The following PDE11A variants were observed in gnomAD, a reference collection of about 807,000 sequenced individuals.
PDE11A encodes the protein phosphodiesterase 11A.
In PDE11A, 100 loss-of-function variants were observed where a neutral mutation model predicts 100.5. The ratio of observed to expected loss-of-function variants is 1.00; its 90% CI spans 0.85 to 1.18. PDE11A has a LOEUF of 1.18. Ranked by LOEUF, PDE11A falls within the 50% of genes most tolerant of loss-of-function variation. The pLI, the probability that PDE11A is intolerant of heterozygous loss-of-function variation, is 0.00. For synonymous variants in PDE11A, 381 were observed against 420.8 expected (o/e 0.91, Z 1.16); for missense variants, 1,141 against 1,152.6 (o/e 0.99, Z 0.15).
At chr2:177,845,806 A>G (rs1375088880) in intron 5 of PDE11A, among the ~76,000 whole-genome samples, 1 of 152,198 alleles carries the variant, frequency 6.6e-6, no homozygotes, top group Non-Finnish European at 1.5e-5. Context: ...AGGCTGGTGG[A>G]TCACTTGCGG....
chr2:177,828,466 A>G (rs575859579), intron 6 of PDE11A, among the ~76,000 whole-genome samples: 37 of 152,220 alleles, frequency 2.4e-4, no homozygotes, highest in Non-Finnish European at 4.8e-4. Flanking sequence ...GTGATAGAAG[A>G]GAGATGGTAA....
At chr2:177,746,007 C>T (rs916567621) in intron 10 of PDE11A, among the ~76,000 whole-genome samples, 1 of 152,152 alleles carries the variant, frequency 6.6e-6, no homozygotes, top group Admixed American at 6.5e-5. Flanking sequence ...TGGACTGCTG[C>T]CCTTGAAGTC....
chr2:177,904,381 T>G (rs2084745650), intron 3 of PDE11A, among the ~76,000 whole-genome samples: 1 of 152,104 alleles, frequency 6.6e-6, no homozygotes, highest in Non-Finnish European at 1.5e-5. Flanking sequence ...ATCCAAAAAT[T>G]GTTTCAATTC....
chr2:177,994,140 GGGCT>G (rs2086040195), intron 2 of PDE11A, among the ~76,000 whole-genome samples: 1 of 151,790 alleles, frequency 6.6e-6, no homozygotes, highest in African/African-American at 2.4e-5. Context: ...TATGTTGGGC[GGGCT>G]GGTCTCGAAC....
intron 2 of PDE11A, among the ~76,000 whole-genome samples, chr2:177,917,151 C>T (rs1190498622): frequency 6.6e-6 from 1 of 151,982 alleles, no homozygotes; most frequent in Non-Finnish European, 1.5e-5. Flanking sequence ...CCTTGTCCTT[C>T]CAAAGAAAGA....
intron 19 of PDE11A, among the ~76,000 whole-genome samples, chr2:177,659,261 CA>C (rs34721738): frequency 0.67 from 86,650 of 128,554 alleles, 29,651 homozygotes; most frequent in Admixed American, 0.77. Flanking sequence ...AATTCTATCT[CA>C]GGGGGAAAAA....
intron 5 of PDE11A, among the ~76,000 whole-genome samples, chr2:177,870,436 C>T (rs961670912): frequency 6.6e-5 from 10 of 152,336 alleles, no homozygotes; most frequent in Admixed American, 5.2e-4. Flanking sequence ...ACAAACAGCT[C>T]TGACCAAGTT....
chr2:177,996,558 T>C (rs2086078550), intron 2 of PDE11A, among the ~76,000 whole-genome samples: 1 of 151,690 alleles, frequency 6.6e-6, no homozygotes. Context: ...ATAGTAAGGG[T>C]CCGTATTCAA....
At chr2:177,793,701 GA>G (rs2082663920) in intron 9 of PDE11A, among the ~76,000 whole-genome samples, 1 of 152,058 alleles carries the variant, frequency 6.6e-6, no homozygotes, top group Non-Finnish European at 1.5e-5. Flanking sequence ...AAGCAAACTG[GA>G]ACCCAAAACA....
chr2:177,999,385 C>T (rs1192169502), intron 2 of PDE11A, among the ~76,000 whole-genome samples: 2 of 152,130 alleles, frequency 1.3e-5, no homozygotes, highest in East Asian at 1.9e-4. Context: ...AAGTGGAATA[C>T]CTATAACAAA....
At chr2:177,866,904 G>A (rs1383704772) in intron 5 of PDE11A, among the ~76,000 whole-genome samples, 1 of 152,260 alleles carries the variant, frequency 6.6e-6, no homozygotes, top group Admixed American at 6.5e-5. Flanking sequence ...AGGCCTGTAA[G>A]TCTAAAGCAG....
intron 5 of PDE11A, among the ~76,000 whole-genome samples, chr2:177,853,918 AT>A (rs1282589591): frequency 6.8e-6 from 1 of 147,062 alleles, no homozygotes; most frequent in Non-Finnish European, 1.5e-5. Context: ...ATATGTGCAT[AT>A]ATATGTATAT....
At position 177,969,677 on chromosome 2, in the gene PDE11A, T is replaced by G. The variant is rs1017706168; in HGVS notation, c.1071+44625A>C. On this transcript the variant is annotated intron_variant, in intron 2 of 19. Coordinates refer to ENST00000286063, the MANE Select transcript of PDE11A (RefSeq NM_016953.4). ...ATATTCATTATTATCAACAATCAGA[T>G]CTTAGTGACTAAAAGTGGGGTTTGC... 3.9e-5 allele frequency among the ~76,000 whole-genome samples: 6 copies of G among 152,274 alleles called. No homozygotes were observed. The East Asian group carries it at 1.2e-3, about 29-fold the overall frequency.
At chr2:177,784,882 T>C (rs569394938) in intron 9 of PDE11A, among the ~76,000 whole-genome samples, 72 of 152,382 alleles carry the variant, frequency 4.7e-4, no homozygotes, top group Non-Finnish European at 8.4e-4. Context: ...GCTTGTAGTC[T>C]GAACTTGTTC....
chr2:177,853,672 A>G (rs1205984025), intron 5 of PDE11A, among the ~76,000 whole-genome samples: 17 of 34,206 alleles, frequency 5.0e-4, no homozygotes, highest in African/African-American at 8.7e-4. Context: ...ATATATATAT[A>G]TATATATATG....
intron 2 of PDE11A, among the ~76,000 whole-genome samples, chr2:177,942,010 C>T (rs920833755): frequency 1.3e-5 from 2 of 152,240 alleles, no homozygotes; most frequent in South Asian, 4.1e-4. Context: ...GGACTTCATA[C>T]TCCCATTCCA....
chr2:177,703,484 C>T (rs1019105228), intron 13 of PDE11A, among the ~76,000 whole-genome samples: 1 of 152,126 alleles, frequency 6.6e-6, no homozygotes, highest in African/African-American at 2.4e-5. Flanking sequence ...TCCATTTTTA[C>T]TAAGCTGATT....
chr2:177,899,740 T>C (rs2084669120), intron 3 of PDE11A: 1 of 168,338 alleles, frequency 5.9e-6, no homozygotes, highest in African/African-American at 2.4e-5. Flanking sequence ...ATACCCTTCA[T>C]ATATATAAAA....
chr2:177,810,633 A>G (rs1001340748), intron 9 of PDE11A, among the ~76,000 whole-genome samples: 10 of 150,368 alleles, frequency 6.7e-5, no homozygotes, highest in Non-Finnish European at 1.2e-4. Context: ...GTAGCATATA[A>G]TACTCTTGAG....
Sources: gnomAD v4.1 joint callset for allele counts (sites outside exome capture counted in the v4.1 genomes callset) on GRCh38, gnomAD v4.1.1 for gene constraint, MANE v1.5 for transcripts, NCBI Gene and HGNC (gene_info 2026-07-23, HGNC 2026-07-21) for gene names.